The following VPS13B variants were observed in gnomAD, a reference collection of about 807,000 sequenced individuals.
VPS13B encodes vacuolar protein sorting 13 homolog B.
A neutral mutation model predicts 426.4 loss-of-function variants in VPS13B; 285 were observed. The observed-to-expected ratio is 0.67, with a 90% CI of 0.61 to 0.74. VPS13B has a LOEUF of 0.74. Ranked by LOEUF, VPS13B falls within the 30% of genes least tolerant of loss-of-function variation. VPS13B has a pLI of 0.00. For synonymous variants in VPS13B, 1,676 were observed against 1,676.4 expected (o/e 1.00, Z 0.01); for missense variants, 4,537 against 4,782.6 (o/e 0.95, Z 1.51).
At chr8:99,832,247 G>A (rs1815104377) in intron 51 of VPS13B, 122 bp from the exon 52 acceptor site, 1 of 1,355,056 alleles carries the variant, frequency 7.4e-7, no homozygotes, top group Non-Finnish European at 9.7e-7. Flanking sequence ...GCGTGATGGA[G>A]TGAGACTGTC....
intron 16 of VPS13B, among the ~76,000 whole-genome samples, chr8:99,189,075 A>G (rs1813394740): frequency 1.3e-5 from 2 of 151,512 alleles, no homozygotes; most frequent in South Asian, 4.2e-4. Context: ...AATTTTTTGT[A>G]TTTTTAGTAG....
intron 33 of VPS13B, among the ~76,000 whole-genome samples, chr8:99,626,867 C>T (rs2133903321): frequency 6.6e-6 from 1 of 152,206 alleles, no homozygotes; most frequent in East Asian, 1.9e-4. Flanking sequence ...TAGGAGTCAA[C>T]CTAAGTGTTT....
In VPS13B at chr8:99,271,992, T is replaced by C. The variant is rs529700762; in HGVS notation, c.2516-2206T>C. ...ACATTCTCTAACCATTTGCAAATCA[T>C]TTAATGTGCTTGTTAAATGCAGAAT... On this transcript the variant is annotated intron_variant, in intron 17 of 61. Coordinates refer to ENST00000357162, the MANE Select transcript of VPS13B (RefSeq NM_152564.5). Among the ~76,000 whole-genome samples, 20 of 152,330 alleles carry C rather than the reference T, an allele frequency of 1.3e-4. No homozygotes were observed. The East Asian group carries it at 3.7e-3, about 28-fold the overall frequency.
intron 19 of VPS13B, among the ~76,000 whole-genome samples, chr8:99,317,159 A>G (rs1311484926): frequency 6.6e-6 from 1 of 152,212 alleles, no homozygotes; most frequent in Non-Finnish European, 1.5e-5. Flanking sequence ...CTTTGAGGTT[A>G]TCCCAGATCT....
chr8:99,256,855 T>TAAA (rs1363619880), intron 17 of VPS13B, among the ~76,000 whole-genome samples: 1 of 152,168 alleles, frequency 6.6e-6, no homozygotes, highest in African/African-American at 2.4e-5. Flanking sequence ...CATAGCACTC[T>TAAA]AACTTGCAAT....
rs1829406082 is a variant in VPS13B, at chr8:99,642,399, C to G, written c.5809C>G (p.Pro1937Ala). Residue 1937 changes from proline (P) to alanine (A), a missense_variant, in exon 34 of 62, where the codon CCT (proline) becomes GCT (alanine). Physicochemically the swap from Pro to Ala is conservative, Grantham distance 27 (BLOSUM62 -1). Transcript: ENST00000357162. ...TTTTCTGTACTTTATTGTGTCCCAGCCTTCCTTGCTTCTGAGTTGTCACCA... is the reference window on the plus strand; with the variant it reads ...TTTTCTGTACTTTATTGTGTCCCAGGCTTCCTTGCTTCTGAGTTGTCACCA... ...EPFLYFIVSQ[P>A]SLLLSCHHRK... The G allele has an allele frequency of 6.2e-7, 1 of 1,614,072 alleles. No individual in the cohort carries two copies. Among genetic ancestry groups the G allele is most frequent in the Non-Finnish European group, 8.5e-7 (1 of 1,179,994 alleles).
chr8:99,602,034 T>C (rs1827324606), intron 33 of VPS13B, among the ~76,000 whole-genome samples: 1 of 152,242 alleles, frequency 6.6e-6, no homozygotes, highest in Non-Finnish European at 1.5e-5. Flanking sequence ...TGGCTTTTGT[T>C]GCCATTGCTT....
intron 8 of VPS13B, among the ~76,000 whole-genome samples, chr8:99,122,419 G>A (rs1847993240): frequency 6.6e-6 from 1 of 151,954 alleles, no homozygotes; most frequent in Non-Finnish European, 1.5e-5. Flanking sequence ...TTTACTTGAA[G>A]AAATATAAAA....
intron 17 of VPS13B, among the ~76,000 whole-genome samples, chr8:99,258,195 A>C (rs1817854159): frequency 6.6e-6 from 1 of 151,782 alleles, no homozygotes; most frequent in African/African-American, 2.4e-5. Context: ...CTAATATTGC[A>C]TCACTTTGTA....
At position 99,148,054 on chromosome 8, in the gene VPS13B, ATTT is replaced by A. The variant is rs199769640; in HGVS notation, c.2013+59_2013+61del. 25,395 of 1,352,554 alleles carry A rather than the reference ATTT, an allele frequency of 0.019. 14 individuals carry two copies. Among genetic ancestry groups the A allele is most frequent in the Admixed American group, 0.066 (3,397 of 51,346 alleles). 83.8% of individuals were successfully genotyped at this position (1,352,554 alleles called of 1,614,324 possible). ...TATATTTTTTTTCCCTCATATATGG[ATTT>A]TTTTTTTTTTTTTTGTCATTTACTG... On this transcript the variant is annotated intron_variant, in intron 14 of 61. Transcript: ENST00000357162.
chr8:99,463,481 C>G (rs929974037), intron 23 of VPS13B, among the ~76,000 whole-genome samples: 1 of 152,124 alleles, frequency 6.6e-6, no homozygotes, highest in East Asian at 1.9e-4. Flanking sequence ...TTTCCTAACA[C>G]AAAACAGTAT....
chr8:99,820,932 A>G (rs1814322467), intron 49 of VPS13B, among the ~76,000 whole-genome samples: 2 of 152,000 alleles, frequency 1.3e-5, no homozygotes, highest in South Asian at 4.1e-4. Context: ...GTTGCATATT[A>G]TTCTCTTGTC....
chr8:99,492,928 G>C (rs1192743352), intron 25 of VPS13B, among the ~76,000 whole-genome samples: 1 of 152,180 alleles, frequency 6.6e-6, no homozygotes, highest in Admixed American at 6.5e-5. Flanking sequence ...TGGAAATGCA[G>C]AAATCACCCA....
intron 21 of VPS13B, among the ~76,000 whole-genome samples, chr8:99,416,296 T>A (rs1168751593): frequency 6.6e-6 from 1 of 152,158 alleles, no homozygotes; most frequent in African/African-American, 2.4e-5. Context: ...CCAGCTTGAC[T>A]TCAGACTGCT....
chr8:99,258,549 C>T (rs1158007431), intron 17 of VPS13B, among the ~76,000 whole-genome samples: 1 of 151,928 alleles, frequency 6.6e-6, no homozygotes, highest in East Asian at 1.9e-4. Context: ...ATAGTTATTC[C>T]TTTAAAATTT....
At chr8:99,233,014 T>C (rs2132861915) in intron 17 of VPS13B, 2 of 863,618 alleles carry the variant, frequency 2.3e-6, no homozygotes, top group Admixed American at 1.9e-5. Flanking sequence ...AAGGGCTCCA[T>C]TCATCTGTTG....
At chr8:99,311,683 A>T (rs1588236865) in intron 19 of VPS13B, among the ~76,000 whole-genome samples, 2 of 152,120 alleles carry the variant, frequency 1.3e-5, no homozygotes, top group Non-Finnish European at 2.9e-5. Context: ...ATGTCTATTA[A>T]GTCCACTTGG....
At chr8:99,726,480 TATAA>T (rs1421134571) in intron 39 of VPS13B, among the ~76,000 whole-genome samples, 1 of 152,216 alleles carries the variant, frequency 6.6e-6, no homozygotes, top group South Asian at 2.1e-4. Context: ...GTTCCCAGAT[TATAA>T]ATACTCAATC....
chr8:99,783,298 T>C (rs1229826808), intron 42 of VPS13B, among the ~76,000 whole-genome samples: 1 of 152,176 alleles, frequency 6.6e-6, no homozygotes, highest in African/African-American at 2.4e-5. Flanking sequence ...ATTATTTAGA[T>C]CCATAGCCAG....
Sources: gnomAD v4.1 joint callset for allele counts (sites outside exome capture counted in the v4.1 genomes callset) on GRCh38, gnomAD v4.1.1 for gene constraint, MANE v1.5 for transcripts, NCBI Gene and HGNC (gene_info 2026-07-23, HGNC 2026-07-21) for gene names.